The following SEMA7A variants were observed in gnomAD, a reference collection of about 807,000 sequenced individuals.
SEMA7A encodes semaphorin 7A (JohnMiltonHagen blood group).
SEMA7A carries 21 observed loss-of-function variants against 67.5 expected under a neutral mutation model. The ratio of observed to expected loss-of-function variants is 0.31; its 90% confidence interval spans 0.22 to 0.45. The LOEUF is 0.45. SEMA7A is among the 20% of genes least tolerant of loss of function. The pLI is 1.00. For synonymous variants in SEMA7A, 364 were observed against 368.5 expected, an observed-to-expected ratio of 0.99 and a Z score of 0.14; for missense variants, 774 against 908.6, an observed-to-expected ratio of 0.85 and a Z score of 1.90.
chr15:74,433,525 C>T, intron 1 of SEMA7A: 1 of 1,199,980 alleles, frequency 8.3e-7, no homozygotes, highest in Non-Finnish European at 1.0e-6. Flanking sequence ...CGGCCCCCGC[C>T]GCTCGCTCGC....
At chr15:74,422,125 G>A (rs1466482610) in intron 1 of SEMA7A, among the ~76,000 whole-genome samples, 3 of 152,056 alleles carry the variant, frequency 2.0e-5, no homozygotes, top group Admixed American at 1.3e-4. Flanking sequence ...AGGCCCACGT[G>A]TGATGGGGGA....
chr15:74,410,355 A>C lies in SEMA7A; in HGVS notation c.*269T>G. The C allele has an allele frequency of 2.2e-6, 1 of 460,882 alleles. No homozygotes were observed. Among genetic ancestry groups the C allele is most frequent in the East Asian group, 3.4e-5 (1 of 29,472 alleles). 28.5% of individuals were successfully genotyped at this position (460,882 alleles called of 1,614,324 possible). On this transcript the variant is annotated 3_prime_UTR_variant, in exon 14 of 14. Coordinates refer to ENST00000261918, the MANE Select transcript of SEMA7A (RefSeq NM_003612.5). This position sits in a 1 kb window ranked among gnomAD's most constrained non-coding sequence, Gnocchi z 7.5. ...TAGTCAAGTTTGAGGAGTCTGAAAA[A>C]TATTTTCCAGAAGATAAAGTCTTGG...
intron 1 of SEMA7A, among the ~76,000 whole-genome samples, chr15:74,422,074 C>T (rs2061004957): frequency 6.6e-6 from 1 of 152,104 alleles, no homozygotes; most frequent in Non-Finnish European, 1.5e-5. Flanking sequence ...TGCGCTGCAG[C>T]CTGGCAGAGT....
rs758455765 is a variant in SEMA7A, at chr15:74,418,820, T to C, written c.311A>G (p.Lys104Arg). ...KVYLFDFPEG[K>R]NASVRTVNIG... ...GCTCACCGTGCGCACAGATGCGTTC[T>C]TGCCCTCGGGGAAGTCAAAGAGGTA... is the stretch of plus-strand genomic sequence containing the variant. Residue 104 changes from lysine to arginine, a missense_variant, in exon 2 of 14, where the codon AAG becomes AGG. Physicochemically the swap from Lys to Arg is conservative, Grantham distance 26. Coordinates refer to ENST00000261918, the MANE Select transcript of SEMA7A (RefSeq NM_003612.5). The C allele has an allele frequency of 1.1e-5, 17 of 1,613,776 alleles. No homozygotes were observed. The highest frequency in any genetic ancestry group is 2.7e-5 in the African/African-American group (2 of 74,928).
chr15:74,416,024 G>T (rs749912029), intron 7 of SEMA7A, 39 bp from the exon 8 acceptor site: 1 of 1,594,336 alleles, frequency 6.3e-7, no homozygotes, highest in African/African-American at 1.3e-5. Context: ...CTCAGCACCT[G>T]CCCGGGCTTC....
intron 1 of SEMA7A, 47 bp from the exon 2 acceptor site, chr15:74,418,999 G>C (rs770476647): frequency 6.3e-7 from 1 of 1,593,890 alleles, no homozygotes; most frequent in South Asian, 1.1e-5. Flanking sequence ...GGTCCCGAGA[G>C]AGAAGACTCT....
chr15:74,432,563 C>G (rs2061097406), intron 1 of SEMA7A, among the ~76,000 whole-genome samples: 1 of 152,022 alleles, frequency 6.6e-6, no homozygotes, highest in Non-Finnish European at 1.5e-5. Context: ...ATTCCCTCAG[C>G]TACTGCGGCA....
chr15:74,417,383 G>A lies in SEMA7A; in HGVS notation c.613C>T (p.Arg205Cys), dbSNP rs143114662. ...TACAGCTCACTCTCGCCCCGGATGC[G>A]GCGGAACCGAGGGATCTTCCCATTG... The part of the protein sequence containing the change: ...EYNGKIPRFR[R>C]IRGESELYTS... The change falls in exon 6 of 14, where the codon CGC (arginine) becomes TGC (cysteine). Residue 205 changes from arginine (R) to cysteine (C), a missense_variant. Coordinates refer to ENST00000261918, the MANE Select transcript of SEMA7A (RefSeq NM_003612.5). 30 of 1,613,906 alleles carry A rather than the reference G, an allele frequency of 1.9e-5. No homozygotes were observed. The highest frequency in any genetic ancestry group is 6.7e-5 in the African/African-American group (5 of 74,918).
chr15:74,430,084 T>A (rs1157408447), intron 1 of SEMA7A, among the ~76,000 whole-genome samples: 1 of 152,122 alleles, frequency 6.6e-6, no homozygotes, highest in Non-Finnish European at 1.5e-5. Flanking sequence ...TTGTTCCTCA[T>A]CACCAGATCC....
rs2060895225 is a variant in SEMA7A at position 74,411,023 on chromosome 15, A to G, written c.1640-38T>C. On this transcript the variant is annotated intron_variant, in intron 13 of 13. Coordinates refer to ENST00000261918, the MANE Select transcript of SEMA7A (RefSeq NM_003612.5). The surrounding 1 kb of genome is among the most constrained non-coding windows in gnomAD (Gnocchi z 4.4). ...TGGGGAAGCAGCCGTGAGGAGGGAC[A>G]AAGAGCTCCCAGGGGAGGATGTGTC... 1 of 1,587,996 alleles carries G rather than the reference A, an allele frequency of 6.3e-7. No homozygotes were observed. Among genetic ancestry groups the G allele is most frequent in the Non-Finnish European group, 8.6e-7 (1 of 1,167,174 alleles).
At chr15:74,417,992 A>G in intron 3 of SEMA7A, 23 bp from the exon 4 acceptor site, 1 of 1,610,750 alleles carries the variant, frequency 6.2e-7, no homozygotes, top group Non-Finnish European at 8.5e-7. Flanking sequence ...GAGAGAAGGG[A>G]GGAGAGAAAT....
Position 74,416,654 on chromosome 15 carries a change from T to C in SEMA7A, c.722A>G (p.Tyr241Cys). The change falls in exon 7 of 14, where the codon TAC becomes TGC. Residue 241 changes from tyrosine to cysteine, a missense_variant. By Grantham distance (194) the Tyr-to-Cys change is radical. Transcript: ENST00000261918. ...HQDQAYDDKIYYFFREDNPDK... is the reference protein window; with the variant it reads ...HQDQAYDDKICYFFREDNPDK... ...AGGATTGTCCTCTCGGAAGAAGTAGTAGATCTTGTCATCGTAAGCCTGGTC... is the reference window on the plus strand; with the variant it reads ...AGGATTGTCCTCTCGGAAGAAGTAGCAGATCTTGTCATCGTAAGCCTGGTC... The C allele has an allele frequency of 6.2e-7, 1 of 1,614,026 alleles. No homozygotes were observed. The highest frequency in any genetic ancestry group is 8.5e-7 in the Non-Finnish European group (1 of 1,179,942).
At chr15:74,430,700 C>T (rs929615636) in intron 1 of SEMA7A, among the ~76,000 whole-genome samples, 1 of 152,224 alleles carries the variant, frequency 6.6e-6, no homozygotes, top group African/African-American at 2.4e-5. Flanking sequence ...GAATTGCCCC[C>T]CCACCATGAG....
intron 1 of SEMA7A, among the ~76,000 whole-genome samples, chr15:74,425,885 G>A (rs528987041): frequency 2.6e-5 from 4 of 152,110 alleles, no homozygotes; most frequent in South Asian, 4.1e-4. Flanking sequence ...CCCACAGCCC[G>A]CATGGACTGT....
Position 74,423,235 on chromosome 15 carries a change from C to T in SEMA7A, c.179-4283G>A, listed in dbSNP as rs2061015645. Among the ~76,000 whole-genome samples, 2 of 152,336 alleles carry T rather than the reference C, an allele frequency of 1.3e-5. No individual in the cohort carries two copies. Among genetic ancestry groups the T allele is most frequent in the Admixed American group, 6.5e-5 (1 of 15,302 alleles). On this transcript the variant is annotated intron_variant, in intron 1 of 13. Transcript: ENST00000261918. This position sits in a 1 kb window ranked among gnomAD's most constrained non-coding sequence, Gnocchi z 4.1. ...GTGCCCCCACCCCTGCACTGCCAGG[C>T]CTACCTCACACCCTCGCCCAACTAC...
intron 1 of SEMA7A, among the ~76,000 whole-genome samples, chr15:74,429,800 C>T (rs891510311): frequency 2.0e-5 from 3 of 152,144 alleles, no homozygotes; most frequent in African/African-American, 7.2e-5. Flanking sequence ...CCTCACATGG[C>T]TTCTCTCCTC....
chr15:74,415,882 C>T lies in SEMA7A; in HGVS notation c.905G>A (p.Arg302Lys), dbSNP rs200710879. ...AGGGAGCAGGAAGACGTCTTGCAGC[C>T]TGTTGAAGTTCTTGTTGGTGGCAGC... is the stretch of plus-strand genomic sequence containing the variant. ...SDAATNKNFN[R>K]LQDVFLLPDP... Residue 302 changes from arginine (R) to lysine (K), a missense_variant, in exon 8 of 14, where the codon AGG becomes AAG. Transcript: ENST00000261918. 4.5e-5 allele frequency: 72 copies of T among 1,614,142 alleles called. No individual in the cohort carries two copies. The East Asian group carries it at 1.4e-3, about 32-fold the overall frequency.
At position 74,417,984 on chromosome 15, in the gene SEMA7A, G is replaced by C. The variant is rs369139994; in HGVS notation, c.373-15C>G. Reference sequence around the variant, plus strand: ...TTCTCGCAGTCCTGCCCGGGGAAGAGAGAAGGGAGGAGAGAAATTGGTTGC... The same window carrying C: ...TTCTCGCAGTCCTGCCCGGGGAAGACAGAAGGGAGGAGAGAAATTGGTTGC... On this transcript the variant is annotated splice_polypyrimidine_tract_variant and intron_variant, in intron 3 of 13. Transcript: ENST00000261918. 118 of 1,611,326 alleles carry C rather than the reference G, an allele frequency of 7.3e-5. No individual in the cohort carries two copies. Among genetic ancestry groups the C allele is most frequent in the Non-Finnish European group, 9.0e-5 (106 of 1,179,332 alleles).
In SEMA7A at chr15:74,423,223, T is replaced by A. The variant is rs1361659663; in HGVS notation, c.179-4271A>T. On this transcript the variant is annotated intron_variant, in intron 1 of 13. Coordinates refer to ENST00000261918, the MANE Select transcript of SEMA7A (RefSeq NM_003612.5). This position sits in a 1 kb window ranked among gnomAD's most constrained non-coding sequence, Gnocchi z 4.1. ...CCTCCCACAGTTGTGCCCCCACCCC[T>A]GCACTGCCAGGCCTACCTCACACCC... Among the ~76,000 whole-genome samples, 1 of 152,150 alleles carries A rather than the reference T, an allele frequency of 6.6e-6. No homozygotes were observed. The highest frequency in any genetic ancestry group is 2.1e-4 in the South Asian group (1 of 4,832).
Sources: gnomAD v4.1 joint callset for allele counts (sites outside exome capture counted in the v4.1 genomes callset) on GRCh38, gnomAD v4.1.1 for gene constraint, Gnocchi (gnomAD v3.1) non-coding constraint, MANE v1.5 for transcripts, NCBI Gene and HGNC (gene_info 2026-07-23, HGNC 2026-07-21) for gene names.